The following SBF2 variants were observed in gnomAD, a reference collection of about 807,000 sequenced individuals.
The protein encoded by SBF2 is myotubularin-related protein 13.
In SBF2, 112 loss-of-function variants were observed where a neutral mutation model predicts 225.2. The ratio of observed to expected loss-of-function variants is 0.50; its 90% CI spans 0.43 to 0.58. The LOEUF (loss-of-function observed/expected upper bound fraction) is 0.58, where lower values mean the gene tolerates loss of function less well. SBF2 is among the 20% of genes least tolerant of loss of function. The pLI, the probability that SBF2 is intolerant of heterozygous loss-of-function variation, is 0.00. For missense variants in SBF2, 1,996 were observed against 2,206.2 expected (o/e 0.90, Z 1.91); for synonymous variants, 763 against 773.3 (o/e 0.99, Z 0.22).
intron 1 of SBF2, among the ~76,000 whole-genome samples, chr11:10,201,845 C>T (rs555818353): frequency 9.7e-4 from 148 of 152,246 alleles, no homozygotes; most frequent in African/African-American, 3.4e-3. Flanking sequence ...AAAATACAAT[C>T]ACTGGGTGAC....
intron 2 of SBF2, among the ~76,000 whole-genome samples, chr11:10,091,185 A>G (rs1458562694): frequency 6.6e-6 from 1 of 152,224 alleles, no homozygotes; most frequent in Non-Finnish European, 1.5e-5. Flanking sequence ...AAAACTATAT[A>G]CAATATGAAG....
At chr11:9,812,230 A>C (rs1854228241) in intron 30 of SBF2, among the ~76,000 whole-genome samples, 1 of 152,196 alleles carries the variant, frequency 6.6e-6, no homozygotes, top group Non-Finnish European at 1.5e-5. Context: ...CTGTAAATAC[A>C]TGCTGATTAA....
chr11:9,989,503 G>A lies in SBF2; in HGVS notation c.1389C>T (p.Phe463=). ...AATAAATATACTTACTTACATTTTT[G>A]AATAGTTGCTCAGCAAGTTCCCTGA... ...KHVRELAEQL[F]KNENPNPHMA... The change falls in exon 13 of 40, where the codon TTC becomes TTT. Residue 463 remains phenylalanine, a synonymous_variant. Coordinates refer to ENST00000256190, the MANE Select transcript of SBF2 (RefSeq NM_030962.4). 1 of 1,568,870 alleles carries A rather than the reference G, an allele frequency of 6.4e-7. No individual in the cohort carries two copies.
chr11:10,034,182 C>T (rs1949357246), intron 3 of SBF2, among the ~76,000 whole-genome samples: 1 of 152,164 alleles, frequency 6.6e-6, no homozygotes. Context: ...AAGGTCAATA[C>T]ATATAATAAT....
At chr11:9,935,072 A>C (rs34555113) in intron 16 of SBF2, among the ~76,000 whole-genome samples, 1 of 152,220 alleles carries the variant, frequency 6.6e-6, no homozygotes, top group Non-Finnish European at 1.5e-5. Flanking sequence ...GTCTCAGCCC[A>C]AAATCTCCTT....
intron 2 of SBF2, among the ~76,000 whole-genome samples, chr11:10,091,988 T>C (rs1471741524): frequency 6.6e-6 from 1 of 152,218 alleles, no homozygotes; most frequent in Non-Finnish European, 1.5e-5. Flanking sequence ...AATTTATTTG[T>C]ACTGTAAAAT....
chr11:10,239,913 AC>A (rs1187260912), intron 1 of SBF2, among the ~76,000 whole-genome samples: 2 of 152,204 alleles, frequency 1.3e-5, no homozygotes, highest in Non-Finnish European at 2.9e-5. Context: ...TGTAAGAAGA[AC>A]AGCATGAATA....
chr11:10,051,526 G>A (rs1950063864), intron 2 of SBF2, among the ~76,000 whole-genome samples: 2 of 151,904 alleles, frequency 1.3e-5, no homozygotes, highest in Admixed American at 6.6e-5. Context: ...TGGTTGGCCT[G>A]GTCAGATTTT....
intron 17 of SBF2, among the ~76,000 whole-genome samples, chr11:9,876,797 T>TG (rs1322696738): frequency 2.6e-5 from 4 of 152,190 alleles, no homozygotes; most frequent in African/African-American, 9.7e-5. Context: ...TAGAGTGCAG[T>TG]GGGGCAATCT....
At chr11:9,839,382 T>C (rs1855949107) in intron 26 of SBF2, 116 bp downstream of exon 26, 1 of 1,031,726 alleles carries the variant, frequency 9.7e-7, no homozygotes, top group Non-Finnish European at 1.5e-6. Context: ...GAGACCTTGT[T>C]CTTATTTTCA....
At chr11:10,077,738 C>T (rs1951178234) in intron 2 of SBF2, among the ~76,000 whole-genome samples, 1 of 152,188 alleles carries the variant, frequency 6.6e-6, no homozygotes, top group Non-Finnish European at 1.5e-5. Flanking sequence ...GCAAAGACTT[C>T]ATGACTAAAA....
chr11:9,778,851 A>AAAGTT lies in SBF2; in HGVS notation c.*1562_*1566dup, dbSNP rs1564843902. 3 of 152,694 alleles carry AAAGTT rather than the reference A, an allele frequency of 2.0e-5. No homozygotes were observed. The highest frequency in any genetic ancestry group is 4.4e-5 in the Non-Finnish European group (3 of 68,052). 9.5% of individuals were successfully genotyped at this position (152,694 alleles called of 1,614,324 possible). ...TGTGAGGCAATGTAATGCCTTCACG[A>AAAGTT]AAGTTAAAGTAATCCAGTTACAAAA... On this transcript the variant is annotated 3_prime_UTR_variant, in exon 40 of 40. Coordinates refer to ENST00000256190, the MANE Select transcript of SBF2 (RefSeq NM_030962.4).
At chr11:10,084,953 A>G (rs956947824) in intron 2 of SBF2, among the ~76,000 whole-genome samples, 1 of 152,184 alleles carries the variant, frequency 6.6e-6, no homozygotes, top group Non-Finnish European at 1.5e-5. Flanking sequence ...TGGCGGGGGT[A>G]GCATGGTAAA....
At position 9,948,094 on chromosome 11, in the gene SBF2, T is replaced by C. The variant is rs111347985; in HGVS notation, c.1860+13863A>G. On this transcript the variant is annotated intron_variant, in intron 16 of 39. Transcript: ENST00000256190. ...CATGGTATATACATACAATGGAATA[T>C]TATTTAGCCTTAAAAAGGAAGGAAA... Among the ~76,000 whole-genome samples, 579 of 152,006 alleles carry C rather than the reference T, an allele frequency of 3.8e-3. 2 individuals carry two copies. The highest frequency in any genetic ancestry group is 0.013 in the African/African-American group (549 of 41,478).
At chr11:10,071,998 A>C (rs1014096377) in intron 2 of SBF2, among the ~76,000 whole-genome samples, 1 of 151,958 alleles carries the variant, frequency 6.6e-6, no homozygotes, top group Non-Finnish European at 1.5e-5. Context: ...TCCACCCTTC[A>C]CCTCCAGCCA....
At chr11:10,066,857 C>T (rs1479037400) in intron 2 of SBF2, among the ~76,000 whole-genome samples, 1 of 152,086 alleles carries the variant, frequency 6.6e-6, no homozygotes, top group Non-Finnish European at 1.5e-5. Context: ...CAAAGAGTGT[C>T]TAGAACAAAT....
chr11:10,011,452 C>G (rs572548577), intron 6 of SBF2, among the ~76,000 whole-genome samples: 12 of 152,278 alleles, frequency 7.9e-5, no homozygotes, highest in African/African-American at 2.9e-4. Context: ...CTCCTGGGCT[C>G]AAGTGATCCA....
chr11:10,056,180 T>C (rs1188230768), intron 2 of SBF2, among the ~76,000 whole-genome samples: 3 of 152,186 alleles, frequency 2.0e-5, no homozygotes, highest in Non-Finnish European at 4.4e-5. Flanking sequence ...AACATGATTT[T>C]TCCAGCTTTG....
At chr11:10,184,790 G>A (rs1410284603) in intron 2 of SBF2, among the ~76,000 whole-genome samples, 1 of 152,164 alleles carries the variant, frequency 6.6e-6, no homozygotes, top group Non-Finnish European at 1.5e-5. Flanking sequence ...GCAATGGCGT[G>A]ATCTCCGCTC....
Sources: gnomAD v4.1 joint callset for allele counts (sites outside exome capture counted in the v4.1 genomes callset) on GRCh38, gnomAD v4.1.1 for gene constraint, MANE v1.5 for transcripts, NCBI Gene and HGNC (gene_info 2026-07-23, HGNC 2026-07-21) for gene names.